The following SGCE variants were observed in gnomAD, a reference collection of about 807,000 sequenced individuals.
SGCE encodes epsilon-sarcoglycan.
Under a neutral mutation model 57.8 loss-of-function variants are expected in SGCE, and 26 were observed. That is an observed-to-expected ratio of 0.45 (90% CI 0.33 to 0.62). The LOEUF (loss-of-function observed/expected upper bound fraction) is 0.62. Among genes scored for constraint, SGCE ranks in the 20% least tolerant of loss-of-function variants. The pLI is 0.02. For synonymous variants in SGCE, 183 were observed against 189.5 expected, an observed-to-expected ratio of 0.97 and a Z score of 0.28; for missense variants, 468 against 548.6, an observed-to-expected ratio of 0.85 and a Z score of 1.47.
chr7:94,608,321 G>C (rs1800478950), intron 5 of SGCE, among the ~76,000 whole-genome samples: 1 of 152,140 alleles, frequency 6.6e-6, no homozygotes, highest in Non-Finnish European at 1.5e-5. Flanking sequence ...GGGCGACAGA[G>C]TACCCTCCAA....
At chr7:94,655,852 AG>A (rs1382639778) in intron 1 of SGCE, 137 bp downstream of exon 1, 1 of 658,192 alleles carries the variant, frequency 1.5e-6, no homozygotes, top group Non-Finnish European at 2.8e-6. Context: ...GTACTGAAGG[AG>A]GGGTACGGTG....
chr7:94,614,107 C>CAAAAAAAAAAA (rs925650428), intron 5 of SGCE, among the ~76,000 whole-genome samples: 12 of 94,890 alleles, frequency 1.3e-4, no homozygotes, highest in Admixed American at 3.1e-4. Context: ...AAATTGAAAT[C>CAAAAAAAAAAA]AAAAAAAAAA....
intron 10 of SGCE, chr7:94,587,520 TA>T (rs1332527240): frequency 7.7e-7 from 1 of 1,299,248 alleles, no homozygotes; most frequent in Non-Finnish European, 9.7e-7. Context: ...ATTTTCCTTT[TA>T]AAAAATAGCT....
chr7:94,601,841 G>A (rs546332329), intron 6 of SGCE, among the ~76,000 whole-genome samples: 1 of 152,006 alleles, frequency 6.6e-6, no homozygotes, highest in East Asian at 1.9e-4. Flanking sequence ...GCTTATTTTT[G>A]GGGGGTGAAA....
At chr7:94,608,677 A>G (rs1584580512) in intron 5 of SGCE, among the ~76,000 whole-genome samples, 1 of 152,232 alleles carries the variant, frequency 6.6e-6, no homozygotes, top group African/African-American at 2.4e-5. Context: ...AAGATTTACT[A>G]TAAAGCTACA....
rs183951730 is a variant in SGCE, at chr7:94,597,961, C to T, written c.1253+814G>A. ...GGCGGAGGCTGCAGTGAGCCAAGAT[C>T]GCTCCATTGCACTCCAGCCTGGGCA... On this transcript the variant is annotated intron_variant, in intron 9 of 10. Coordinates refer to ENST00000648936, the MANE Select transcript of SGCE (RefSeq NM_003919.3). 8.7e-3 allele frequency: 1,417 copies of T among 163,474 alleles called. 9 individuals are homozygous for T. The highest frequency in any genetic ancestry group is 0.023 in the Middle Eastern group (10 of 436). 10.1% of individuals were successfully genotyped at this position (163,474 alleles called of 1,614,324 possible).
chr7:94,631,298 CT>C lies in SGCE; in HGVS notation c.110-1458del, dbSNP rs570209453. Among the ~76,000 whole-genome samples the C allele has an allele frequency of 1.6e-3, 229 of 145,950 alleles. 1 individual carries two copies. Among genetic ancestry groups the C allele is most frequent in the African/African-American group, 2.5e-3 (100 of 40,138 alleles). ...AAATAGTAAAGATGAGAATTTTATA[CT>C]TTTTTTTTTTTACCAGTTTGATACC... On this transcript the variant is annotated intron_variant, in intron 1 of 10. Coordinates refer to ENST00000648936, the MANE Select transcript of SGCE (RefSeq NM_003919.3).
chr7:94,596,190 C>T (rs1298875247), intron 9 of SGCE, among the ~76,000 whole-genome samples: 1 of 151,954 alleles, frequency 6.6e-6, no homozygotes, highest in East Asian at 1.9e-4. Context: ...TATGGAAGGA[C>T]CAGAAAGATC....
chr7:94,629,527 T>C, intron 2 of SGCE, 192 bp downstream of exon 2: 1 of 557,800 alleles, frequency 1.8e-6, no homozygotes, highest in South Asian at 2.1e-5. Flanking sequence ...TTCCTTAACA[T>C]TCAAAAATAA....
At chr7:94,629,521 T>A in intron 2 of SGCE, 198 bp downstream of exon 2, 1 of 530,832 alleles carries the variant, frequency 1.9e-6, no homozygotes, top group South Asian at 2.1e-5. Context: ...TATGCTTTCC[T>A]TAACATTCAA....
intron 1 of SGCE, among the ~76,000 whole-genome samples, chr7:94,648,443 T>G (rs1406677823): frequency 6.6e-6 from 1 of 152,028 alleles, no homozygotes; most frequent in East Asian, 1.9e-4. Flanking sequence ...TCTAGTTTTC[T>G]TATTATGATT....
At position 94,602,450 on chromosome 7, in the gene SGCE, G is replaced by A. The variant is rs1799413374; in HGVS notation, c.825+840C>T. Among the ~76,000 whole-genome samples the A allele has an allele frequency of 2.0e-5, 3 of 152,040 alleles. No individual in the cohort carries two copies. In the South Asian group the frequency reaches 6.2e-4, roughly 32 times the overall value. On this transcript the variant is annotated intron_variant, in intron 6 of 10. Transcript: ENST00000648936. ...CATGAAGTGATAATTGTGTTTATGTGTCAATAACTTTGTTCAAATGTCAAC... is the reference window on the plus strand; with the variant it reads ...CATGAAGTGATAATTGTGTTTATGTATCAATAACTTTGTTCAAATGTCAAC...
At chr7:94,592,098 A>G (rs1797767126) in intron 9 of SGCE, among the ~76,000 whole-genome samples, 1 of 152,236 alleles carries the variant, frequency 6.6e-6, no homozygotes, top group Non-Finnish European at 1.5e-5. Flanking sequence ...TGAGTCTCCA[A>G]GATGTGTGCA....
At chr7:94,589,995 G>A (rs1207467325) in intron 9 of SGCE, 1 of 152,076 alleles carries the variant, frequency 6.6e-6, no homozygotes, top group Non-Finnish European at 1.5e-5. Flanking sequence ...ATCTGATTAT[G>A]TCATTTAAAT....
At chr7:94,587,144 A>G in intron 10 of SGCE, 1 of 984,336 alleles carries the variant, frequency 1.0e-6, no homozygotes, top group Non-Finnish European at 1.2e-6. Flanking sequence ...ATCCCCTAGG[A>G]AAACTCTTTG....
At chr7:94,603,243 G>A (rs759201328) in intron 6 of SGCE, 47 bp downstream of exon 6, 2 of 1,485,192 alleles carry the variant, frequency 1.3e-6, no homozygotes, top group African/African-American at 2.8e-5. Flanking sequence ...GTTAACTCCA[G>A]CCACATTATT....
At chr7:94,639,610 A>G (rs1806091774) in intron 1 of SGCE, among the ~76,000 whole-genome samples, 1 of 152,214 alleles carries the variant, frequency 6.6e-6, no homozygotes, top group Non-Finnish European at 1.5e-5. Context: ...CAATACAAGG[A>G]GTATGTGGGG....
At chr7:94,599,843 A>G (rs1346205156) in intron 7 of SGCE, 120 bp from the exon 8 acceptor site, 11 of 783,352 alleles carry the variant, frequency 1.4e-5, no homozygotes, top group Non-Finnish European at 2.4e-5. Flanking sequence ...ATTAAATGCA[A>G]CCAGGCAGCA....
chr7:94,656,133 C>T lies in SGCE; in HGVS notation c.-35G>A, dbSNP rs1584804908. ...GGCTAGGCCGTCCGTCCTCGATTCT[C>T]CCCTCCCCTCCCTTTCTTCTTCCCT... On this transcript the variant is annotated 5_prime_UTR_variant, in exon 1 of 11. Transcript: ENST00000648936. The T allele has an allele frequency of 1.7e-6, 2 of 1,202,674 alleles. No individual in the cohort carries two copies. The highest frequency in any genetic ancestry group is 4.7e-5 in the East Asian group (2 of 42,754). The allele number at this position is 1,202,674 out of a possible 1,614,324, so 74.5% of individuals were successfully genotyped here.
Sources: gnomAD v4.1 joint callset for allele counts (sites outside exome capture counted in the v4.1 genomes callset) on GRCh38, gnomAD v4.1.1 for gene constraint, MANE v1.5 for transcripts, NCBI Gene and HGNC (gene_info 2026-07-23, HGNC 2026-07-21) for gene names.